USP45: variants seen among roughly 807,000 people sequenced by gnomAD.
USP45 encodes ubiquitin specific peptidase 45.
USP45 carries 89 observed loss-of-function variants against 95.8 expected under a neutral mutation model. That is an observed-to-expected ratio of 0.93 (90% confidence interval 0.78 to 1.11). The LOEUF (loss-of-function observed/expected upper bound fraction) is 1.11, where lower values mean the gene tolerates loss of function less well. Ranked by LOEUF, USP45 falls within the 50% of genes least tolerant of loss-of-function variation. The pLI, the probability that USP45 is intolerant of heterozygous loss-of-function variation, is 0.00. For missense variants in USP45, 898 were observed against 942.5 expected, an observed-to-expected ratio of 0.95 and a Z score of 0.62; for synonymous variants, 281 against 316.2, an observed-to-expected ratio of 0.89 and a Z score of 1.18.
chr6:99,464,483 G>T, intron 13 of USP45, 121 bp downstream of exon 13: 1 of 1,085,384 alleles, frequency 9.2e-7, no homozygotes, highest in Non-Finnish European at 1.3e-6. Flanking sequence ...TGATAATTAT[G>T]AAGCCAAAAA....
chr6:99,498,089 C>T (rs1440982170), intron 5 of USP45, among the ~76,000 whole-genome samples: 3 of 152,190 alleles, frequency 2.0e-5, no homozygotes, highest in Admixed American at 2.0e-4. Context: ...TAACTAAGTG[C>T]AATTTGTCTA....
At chr6:99,478,707 A>T (rs1791528976) in intron 8 of USP45, among the ~76,000 whole-genome samples, 2 of 152,194 alleles carry the variant, frequency 1.3e-5, no homozygotes, top group Non-Finnish European at 2.9e-5. Flanking sequence ...CCTTTGCAGC[A>T]AGCAACATGG....
chr6:99,514,937 A>T (rs1238905046), intron 1 of USP45: 1 of 152,274 alleles, frequency 6.6e-6, no homozygotes, highest in African/African-American at 2.4e-5. Flanking sequence ...GAGGTCCCAA[A>T]GCCAGTAAGC....
intron 9 of USP45, among the ~76,000 whole-genome samples, chr6:99,469,045 T>C (rs895588214): frequency 6.6e-6 from 1 of 152,198 alleles, no homozygotes; most frequent in African/African-American, 2.4e-5. Flanking sequence ...ATTAAGAAGC[T>C]ATCAAGCTGG....
At chr6:99,465,239 T>G in intron 11 of USP45, 103 bp from the exon 12 acceptor site, 4 of 893,214 alleles carry the variant, frequency 4.5e-6, no homozygotes, top group Non-Finnish European at 6.6e-6. Flanking sequence ...CCTAAAATTT[T>G]ACGTTAAAAA....
intron 14 of USP45, among the ~76,000 whole-genome samples, 200 bp downstream of exon 14, chr6:99,445,597 T>C (rs1782380060): frequency 6.6e-6 from 1 of 152,184 alleles, no homozygotes. Context: ...GTATACTTCC[T>C]GCTCTTTATT....
chr6:99,433,393 C>T lies in USP45; in HGVS notation c.*2323G>A, dbSNP rs764892751. On this transcript the variant is annotated 3_prime_UTR_variant, in exon 18 of 18. Coordinates refer to ENST00000500704, the MANE Select transcript of USP45 (RefSeq NM_001346022.3). Reference sequence around the variant, plus strand: ...TATTTATACTGTTTCCTGAGGTGATCCAGAAACTACTGTTATTATAGTAGA... The same window carrying T: ...TATTTATACTGTTTCCTGAGGTGATTCAGAAACTACTGTTATTATAGTAGA... The T allele has an allele frequency of 4.6e-5, 7 of 152,460 alleles. No individual in the cohort carries two copies. The highest frequency in any genetic ancestry group is 8.8e-5 in the Non-Finnish European group (6 of 68,012). The allele number at this position is 152,460 out of a possible 1,614,324, so 9.4% of individuals were successfully genotyped here. A position where few individuals can be genotyped will look rare whatever the true frequency, so the allele number is the denominator to read the frequency against.
intron 15 of USP45, among the ~76,000 whole-genome samples, chr6:99,442,008 C>G (rs1326173012): frequency 6.6e-6 from 1 of 152,156 alleles, no homozygotes; most frequent in African/African-American, 2.4e-5. Context: ...GAAACACAGG[C>G]ATTGCTTAGG....
rs1241798141 is a variant in USP45 at position 99,488,089 on chromosome 6, A to C, written c.714+111T>G. The C allele has an allele frequency of 6.0e-6, 4 of 666,166 alleles. No individual in the cohort carries two copies. The African/African-American group carries it at 7.5e-5, about 13-fold the overall frequency. The allele number at this position is 666,166 out of a possible 1,614,324, so 41.3% of individuals were successfully genotyped here. On this transcript the variant is annotated intron_variant, in intron 7 of 17. Transcript: ENST00000500704. The stretch of plus-strand genomic sequence containing the variant: ...CACAGAATGCTTTTAAATTATTTTT[A>C]AGCCCCCTGGCTACTATCTTAGTTG...
chr6:99,496,564 G>C (rs946947747), intron 5 of USP45, among the ~76,000 whole-genome samples: 12 of 152,008 alleles, frequency 7.9e-5, no homozygotes, highest in Non-Finnish European at 1.6e-4. Flanking sequence ...TTAAAATTAT[G>C]AGCCAAATGC....
chr6:99,499,446 G>A (rs1417416882), intron 5 of USP45, among the ~76,000 whole-genome samples: 4 of 152,082 alleles, frequency 2.6e-5, no homozygotes, highest in Admixed American at 6.6e-5. Context: ...TACGGAAGCC[G>A]CATACAAGGC....
At chr6:99,449,880 T>A (rs138498894) in intron 13 of USP45, among the ~76,000 whole-genome samples, 1,563 of 152,204 alleles carry the variant, frequency 0.01, 38 homozygotes, top group African/African-American at 0.035. Flanking sequence ...AGAAACTCAC[T>A]CAAAACCGCT....
chr6:99,511,103 T>G (rs1799674614), intron 1 of USP45, among the ~76,000 whole-genome samples: 1 of 152,088 alleles, frequency 6.6e-6, no homozygotes, highest in South Asian at 2.1e-4. Context: ...TCATGAAAAA[T>G]TTTAAACATC....
intron 5 of USP45, among the ~76,000 whole-genome samples, chr6:99,493,537 G>A (rs191323122): frequency 6.6e-6 from 1 of 152,144 alleles, no homozygotes; most frequent in Admixed American, 6.5e-5. Flanking sequence ...TGCTCTTGTC[G>A]CCCAGGCTGG....
intron 4 of USP45, among the ~76,000 whole-genome samples, chr6:99,505,825 A>G (rs1394228895): frequency 6.6e-6 from 1 of 152,122 alleles, no homozygotes; most frequent in African/African-American, 2.4e-5. Flanking sequence ...GAACTACTAA[A>G]TTAGAATTTC....
intron 7 of USP45, among the ~76,000 whole-genome samples, chr6:99,483,548 T>C (rs1390168462): frequency 6.6e-6 from 1 of 152,110 alleles, no homozygotes; most frequent in Non-Finnish European, 1.5e-5. Context: ...TTAAAGAATG[T>C]TATCTTCCGG....
chr6:99,489,978 A>T (rs1562410876), intron 5 of USP45, among the ~76,000 whole-genome samples: 1 of 152,202 alleles, frequency 6.6e-6, no homozygotes, highest in African/African-American at 2.4e-5. Context: ...TTATATTATC[A>T]GTTCATGTTT....
intron 13 of USP45, among the ~76,000 whole-genome samples, chr6:99,460,437 A>G (rs1404963561): frequency 6.6e-6 from 1 of 152,174 alleles, no homozygotes; most frequent in Non-Finnish European, 1.5e-5. Context: ...ATAAACAAAA[A>G]TATCCTTGCA....
chr6:99,485,493 G>T (rs1793659494), intron 7 of USP45, among the ~76,000 whole-genome samples: 1 of 152,142 alleles, frequency 6.6e-6, no homozygotes, highest in African/African-American at 2.4e-5. Flanking sequence ...CCATTTATAT[G>T]CAGTATTAAA....
Sources: allele counts gnomAD v4.1 joint callset (sites outside exome capture counted in the v4.1 genomes callset), GRCh38; gene constraint gnomAD v4.1.1; transcripts MANE v1.5; gene names NCBI Gene and HGNC (gene_info 2026-07-23, HGNC 2026-07-21).